TMC1: variants seen among roughly 807,000 people sequenced by gnomAD.
The protein encoded by TMC1 is transmembrane channel-like protein 1.
TMC1 carries 84 observed loss-of-function variants against 105.8 expected under a neutral mutation model. The observed-to-expected ratio is 0.79, with a 90% CI of 0.67 to 0.95. The LOEUF (loss-of-function observed/expected upper bound fraction) is 0.95, where lower values mean the gene tolerates loss of function less well. TMC1 is among the 40% of genes least tolerant of loss of function. The pLI, the probability that TMC1 is intolerant of heterozygous loss-of-function variation, is 0.00. For synonymous variants in TMC1, 315 were observed against 311.5 expected, an observed-to-expected ratio of 1.01 and a Z score of -0.12; for missense variants, 817 against 914.1, an observed-to-expected ratio of 0.89 and a Z score of 1.37.
At chr9:72,700,798 A>G (rs1171971834) in intron 8 of TMC1, 155 bp downstream of exon 8, 1 of 287,900 alleles carries the variant, frequency 3.5e-6, no homozygotes, top group Non-Finnish European at 6.6e-6. Flanking sequence ...TATATATAGT[A>G]TATGTAATAC....
At chr9:72,820,190 G>A (rs1230153741) in intron 19 of TMC1, among the ~76,000 whole-genome samples, 3 of 152,142 alleles carry the variant, frequency 2.0e-5, no homozygotes, top group East Asian at 1.9e-4. Flanking sequence ...ATTTTAGGAG[G>A]CACAAACACA....
chr9:72,776,017 A>G (rs1828000399), intron 13 of TMC1, among the ~76,000 whole-genome samples: 1 of 152,164 alleles, frequency 6.6e-6, no homozygotes, highest in Non-Finnish European at 1.5e-5. Context: ...ATTAGGCTCT[A>G]CCTCCAACAT....
chr9:72,621,919 AT>A (rs1314845396), intron 3 of TMC1, among the ~76,000 whole-genome samples: 1 of 152,244 alleles, frequency 6.6e-6, no homozygotes, highest in Non-Finnish European at 1.5e-5. Context: ...GCAAAGAATT[AT>A]TTGAATGTTG....
chr9:72,573,854 T>C (rs911993052), intron 1 of TMC1, among the ~76,000 whole-genome samples: 2 of 152,200 alleles, frequency 1.3e-5, no homozygotes, highest in Non-Finnish European at 2.9e-5. Flanking sequence ...TAAACTCATG[T>C]CAAGAGGGTT....
chr9:72,541,858 ATCAG>A (rs1246332265), intron 1 of TMC1, among the ~76,000 whole-genome samples: 1 of 152,208 alleles, frequency 6.6e-6, no homozygotes, highest in African/African-American at 2.4e-5. Flanking sequence ...ACTTCTTGGT[ATCAG>A]TCTGTGCCCT....
chr9:72,662,441 C>T (rs28690746), intron 5 of TMC1, among the ~76,000 whole-genome samples: 23,093 of 151,458 alleles, frequency 0.15, 1,883 homozygotes, highest in Non-Finnish European at 0.19. Flanking sequence ...AGGTAATCCA[C>T]TGGCCTCGGC....
chr9:72,614,199 C>T (rs1046357298), intron 2 of TMC1, among the ~76,000 whole-genome samples: 2 of 152,068 alleles, frequency 1.3e-5, no homozygotes, highest in Non-Finnish European at 2.9e-5. Context: ...TTGTTTGTGT[C>T]CAGTTTGAAG....
chr9:72,769,917 C>T (rs1272009365), intron 12 of TMC1, among the ~76,000 whole-genome samples: 1 of 152,132 alleles, frequency 6.6e-6, no homozygotes, highest in Non-Finnish European at 1.5e-5. Flanking sequence ...TTAGCATGTT[C>T]TGTTATTGTC....
chr9:72,687,074 A>T (rs1457995777), intron 5 of TMC1, among the ~76,000 whole-genome samples: 1 of 152,050 alleles, frequency 6.6e-6, no homozygotes, highest in Non-Finnish European at 1.5e-5. Flanking sequence ...TCTTTCCTAA[A>T]GATTTCCTTA....
rs540797441 is a variant in TMC1 at position 72,695,677 on chromosome 9, A to G, written c.236+963A>G. The stretch of plus-strand genomic sequence containing the variant: ...AGCTCTAACTATTGTGTTATTCCTT[A>G]TAAATGATTGTCATTAAAAACAACT... On this transcript the variant is annotated intron_variant, in intron 7 of 23. Coordinates refer to ENST00000297784, the MANE Select transcript of TMC1 (RefSeq NM_138691.3). Among the ~76,000 whole-genome samples the G allele has an allele frequency of 1.3e-4, 20 of 152,300 alleles. 1 individual carries two copies. In the South Asian group the frequency reaches 3.9e-3, roughly 30 times the overall value.
At chr9:72,537,410 G>C (rs764811603) in intron 1 of TMC1, among the ~76,000 whole-genome samples, 4 of 152,150 alleles carry the variant, frequency 2.6e-5, no homozygotes, top group African/African-American at 4.8e-5. Flanking sequence ...ACAGGGCCAG[G>C]CTGTAAATCT....
At chr9:72,547,277 A>C (rs1587949652) in intron 1 of TMC1, among the ~76,000 whole-genome samples, 1 of 128,576 alleles carries the variant, frequency 7.8e-6, no homozygotes, top group Non-Finnish European at 1.6e-5. Flanking sequence ...ACAGAGCGAG[A>C]CTCCTTCTCA....
intron 2 of TMC1, among the ~76,000 whole-genome samples, chr9:72,599,454 C>T (rs1288930896): frequency 6.6e-6 from 1 of 152,150 alleles, no homozygotes; most frequent in African/African-American, 2.4e-5. Flanking sequence ...AGTGGGTGAG[C>T]AGATCTCAGT....
chr9:72,633,612 T>C (rs1027044532), intron 4 of TMC1, among the ~76,000 whole-genome samples: 4 of 152,166 alleles, frequency 2.6e-5, no homozygotes, highest in African/African-American at 4.8e-5. Flanking sequence ...CTCAGTTCGT[T>C]TGAGGTGAGG....
chr9:72,725,353 A>ATATATC (rs1393219328), intron 8 of TMC1, among the ~76,000 whole-genome samples: 2 of 83,554 alleles, frequency 2.4e-5, no homozygotes, highest in Non-Finnish European at 4.6e-5. Context: ...ATATATATAT[A>ATATATC]TATATATATA....
At chr9:72,788,092 G>T (rs1428467879) in intron 13 of TMC1, among the ~76,000 whole-genome samples, 4 of 152,136 alleles carry the variant, frequency 2.6e-5, no homozygotes, top group Admixed American at 6.6e-5. Context: ...TATACATGTT[G>T]AATTATTCAA....
intron 2 of TMC1, among the ~76,000 whole-genome samples, chr9:72,601,838 A>G (rs1824821651): frequency 6.6e-6 from 1 of 152,172 alleles, no homozygotes; most frequent in African/African-American, 2.4e-5. Context: ...GCAGGACTCA[A>G]ATGAAAACAA....
At chr9:72,670,116 G>A (rs1826106489) in intron 5 of TMC1, among the ~76,000 whole-genome samples, 1 of 152,176 alleles carries the variant, frequency 6.6e-6, no homozygotes. Flanking sequence ...GTGAGCTCTG[G>A]ATTTCTGTAG....
intron 17 of TMC1, among the ~76,000 whole-genome samples, chr9:72,793,832 C>T (rs1039094958): frequency 1.3e-5 from 2 of 152,304 alleles, no homozygotes; most frequent in East Asian, 1.9e-4. Flanking sequence ...CAGACACATC[C>T]TCCAGGCCTA....
Sources: allele counts gnomAD v4.1 joint callset (sites outside exome capture counted in the v4.1 genomes callset), GRCh38; gene constraint gnomAD v4.1.1; transcripts MANE v1.5; gene names NCBI Gene and HGNC (gene_info 2026-07-23, HGNC 2026-07-21).